Variants in AEBP2 observed in about 807,000 individuals in gnomAD.
AEBP2 encodes zinc finger protein AEBP2.
A neutral mutation model predicts 50.8 loss-of-function variants in AEBP2; 10 were observed. The observed-to-expected ratio is 0.20, with a 90% CI of 0.12 to 0.33. The LOEUF is 0.33. Ranked by LOEUF, AEBP2 falls within the 10% of genes least tolerant of loss-of-function variation. The pLI, the probability that AEBP2 is intolerant of heterozygous loss-of-function variation, is 1.00. For synonymous variants in AEBP2, 296 were observed against 261.3 expected (o/e 1.13, Z -1.28); for missense variants, 570 against 688.0 (o/e 0.83, Z 1.92).
chr12:19,436,079 C>T (rs1053552969), upstream of AEBP2, among the ~76,000 whole-genome samples: 4 of 152,132 alleles, frequency 2.6e-5, no homozygotes, highest in Non-Finnish European at 5.9e-5. Context: ...AAACTCCTTG[C>T]TGGTAAAAGG....
chr12:19,441,554 A>G (rs1428379685), intron 1 of AEBP2, among the ~76,000 whole-genome samples: 1 of 152,204 alleles, frequency 6.6e-6, no homozygotes, highest in Non-Finnish European at 1.5e-5. Flanking sequence ...AGGAATTCTG[A>G]TTAATTGATT....
chr12:19,466,718 A>G (rs1260074593), intron 2 of AEBP2: 2 of 849,838 alleles, frequency 2.4e-6, no homozygotes, highest in African/African-American at 3.7e-5. Flanking sequence ...TTATTTTTTT[A>G]GATTTCTTAT....
At position 19,439,898 on chromosome 12, in the gene AEBP2, G is replaced by T; in HGVS notation, c.199G>T (p.Gly67Cys). 6.7e-7 allele frequency: 1 copy of T among 1,485,848 alleles called. No homozygotes were observed. Among genetic ancestry groups the T allele is most frequent in the Non-Finnish European group, 8.9e-7 (1 of 1,126,884 alleles). 92.0% of individuals were successfully genotyped at this position (1,485,848 alleles called of 1,614,324 possible). Residue 67 changes from glycine (G) to cysteine (C), a missense_variant, in exon 1 of 8, where the codon GGC (glycine) becomes TGC (cysteine). Physicochemically the swap from Gly to Cys is radical, Grantham distance 159. Coordinates refer to ENST00000266508, the MANE Select transcript of AEBP2 (RefSeq NM_153207.5). ...LLLNGGSGGG[G>C]GGGGGGVGGG... The stretch of plus-strand genomic sequence containing the variant: ...GCTGAACGGCGGCAGCGGTGGGGGC[G>T]GCGGAGGCGGCGGCGGAGGAGTGGG...
At chr12:19,511,826 CAATT>C (rs1044637897) in intron 5 of AEBP2, among the ~76,000 whole-genome samples, 10 of 151,396 alleles carry the variant, frequency 6.6e-5, no homozygotes, top group African/African-American at 1.9e-4. Flanking sequence ...GATTTCCAAA[CAATT>C]AATTTATTTT....
intron 1 of AEBP2, among the ~76,000 whole-genome samples, chr12:19,452,303 A>G (rs1213147857): frequency 1.3e-5 from 2 of 151,830 alleles, no homozygotes; most frequent in Non-Finnish European, 2.9e-5. Flanking sequence ...AAAAGTGGCC[A>G]TCTTTAAAAA....
intron 1 of AEBP2, among the ~76,000 whole-genome samples, chr12:19,407,223 A>C (rs184637083): frequency 6.6e-6 from 1 of 152,342 alleles, no homozygotes; most frequent in Non-Finnish European, 1.5e-5. Context: ...ATTTGAGCCC[A>C]GAAGTTCAAC....
intron 2 of AEBP2, among the ~76,000 whole-genome samples, chr12:19,471,593 T>C (rs1307067339): frequency 2.0e-5 from 3 of 152,078 alleles, no homozygotes; most frequent in African/African-American, 7.2e-5. Flanking sequence ...CCTCCATCTC[T>C]TGGACTTAAG....
intron 1 of AEBP2, among the ~76,000 whole-genome samples, chr12:19,416,622 CTTT>C (rs527414094): frequency 7.9e-6 from 1 of 126,430 alleles, no homozygotes. Flanking sequence ...CCAGGCTGGT[CTTT>C]TTTTTTTTTT....
Position 19,460,542 on chromosome 12 carries a change from T to G in AEBP2, c.672-1968T>G, listed in dbSNP as rs7972895. Among the ~76,000 whole-genome samples the G allele has an allele frequency of 2.6e-5, 4 of 151,898 alleles. No individual in the cohort carries two copies. The East Asian group carries it at 5.8e-4, about 22-fold the overall frequency. On this transcript the variant is annotated intron_variant, in intron 1 of 7. Transcript: ENST00000266508. ...CTGATTTTTGTATTTTTAGTAGAGA[T>G]GTGGTTTCACCATCTTGATCAGGCT...
intron 3 of AEBP2, among the ~76,000 whole-genome samples, chr12:19,487,521 C>T (rs1350301708): frequency 6.6e-6 from 1 of 152,068 alleles, no homozygotes; most frequent in Non-Finnish European, 1.5e-5. Context: ...AGTTCGAGAC[C>T]AGTCTGACCA....
chr12:19,481,871 T>G (rs537623125), intron 3 of AEBP2, among the ~76,000 whole-genome samples: 16 of 152,372 alleles, frequency 1.1e-4, no homozygotes, highest in African/African-American at 3.8e-4. Flanking sequence ...GGAGAATTTT[T>G]CATCCGTATC....
chr12:19,503,980 A>G (rs909753739), intron 5 of AEBP2, among the ~76,000 whole-genome samples: 57 of 151,800 alleles, frequency 3.8e-4, no homozygotes, highest in Non-Finnish European at 3.4e-4. Flanking sequence ...CACAGGCATG[A>G]GCTACCACAC....
chr12:19,443,588 T>C (rs1948002616), intron 1 of AEBP2, among the ~76,000 whole-genome samples: 1 of 151,738 alleles, frequency 6.6e-6, no homozygotes, highest in East Asian at 2.0e-4. Flanking sequence ...CCAGGCATGG[T>C]GGTGCAGGCA....
chr12:19,517,849 T>C (rs906829018), intron 7 of AEBP2, among the ~76,000 whole-genome samples: 24 of 152,232 alleles, frequency 1.6e-4, no homozygotes, highest in African/African-American at 5.3e-4. Flanking sequence ...ATATATGTAT[T>C]ACACATGGAA....
chr12:19,420,711 G>A (rs1339336629), intron 1 of AEBP2, among the ~76,000 whole-genome samples: 2 of 151,926 alleles, frequency 1.3e-5, no homozygotes, highest in Non-Finnish European at 2.9e-5. Flanking sequence ...TCCAATTTAC[G>A]TTCCATGTCC....
At chr12:19,408,600 C>A (rs1016046919) in intron 1 of AEBP2, among the ~76,000 whole-genome samples, 1 of 151,138 alleles carries the variant, frequency 6.6e-6, no homozygotes, top group Non-Finnish European at 1.5e-5. Context: ...GTGAATGAAT[C>A]GCCTATTTCA....
At chr12:19,440,639 C>G in intron 1 of AEBP2, 2 of 1,523,428 alleles carry the variant, frequency 1.3e-6, no homozygotes, top group Non-Finnish European at 1.8e-6. Flanking sequence ...GACCTCAGGA[C>G]GGCTCTAACT....
intron 1 of AEBP2, chr12:19,413,021 C>T (rs950149937): frequency 1.9e-4 from 79 of 423,018 alleles, no homozygotes; most frequent in Admixed American, 2.6e-4. Flanking sequence ...GGTGTGGGGT[C>T]CCCTGGCCTG....
At chr12:19,408,538 G>GAA (rs74215633) in intron 1 of AEBP2, among the ~76,000 whole-genome samples, 3,157 of 113,878 alleles carry the variant, frequency 0.028, 40 homozygotes, top group East Asian at 0.052. Flanking sequence ...CACAGAGCAA[G>GAA]AAAAAAAAAA....
Sources: allele counts gnomAD v4.1 joint callset (sites outside exome capture counted in the v4.1 genomes callset), GRCh38; gene constraint gnomAD v4.1.1; transcripts MANE v1.5; gene names NCBI Gene and HGNC (gene_info 2026-07-23, HGNC 2026-07-21).